Variants in SMCHD1 observed in about 807,000 individuals in gnomAD.
SMCHD1 encodes structural maintenance of chromosomes flexible hinge domain containing 1, also known as structural maintenance of chromosomes flexible hinge domain-containing protein 1.
SMCHD1 carries 78 observed loss-of-function variants against 254.7 expected under a neutral mutation model. The ratio of observed to expected loss-of-function variants is 0.31; its 90% CI spans 0.26 to 0.37. The LOEUF (loss-of-function observed/expected upper bound fraction) is 0.37, where lower values mean the gene tolerates loss of function less well. SMCHD1 is among the 10% of genes least tolerant of loss of function. The pLI is 1.00. For missense variants in SMCHD1, 1,840 were observed against 2,408.1 expected (o/e 0.76, Z 4.94); for synonymous variants, 766 against 794.9 (o/e 0.96, Z 0.61).
In SMCHD1 at chr18:2,732,403, G is replaced by A; in HGVS notation, c.3187G>A (p.Gly1063Ser). The change falls in exon 25 of 48, where the codon GGT becomes AGT. Residue 1063 changes from glycine (G) to serine (S), a missense_variant. Coordinates refer to ENST00000320876, the MANE Select transcript of SMCHD1 (RefSeq NM_015295.3). ...KHQDEVNWIA[G>S]DIMHNLIFQM... ...TCAGGATGAGGTTAATTGGATAGCG[G>A]GTGATATTATGCATAATCTTATTTT... The A allele has an allele frequency of 6.2e-7, 1 of 1,613,328 alleles. No individual in the cohort carries two copies. The highest frequency in any genetic ancestry group is 8.5e-7 in the Non-Finnish European group (1 of 1,179,580).
At chr18:2,770,967 A>C (rs1005379157) in intron 39 of SMCHD1, among the ~76,000 whole-genome samples, 3 of 152,180 alleles carry the variant, frequency 2.0e-5, no homozygotes, top group African/African-American at 7.2e-5. Context: ...ATTGAAAGAC[A>C]AGACATTTTC....
chr18:2,795,248 G>C (rs922945658), intron 45 of SMCHD1, among the ~76,000 whole-genome samples: 1 of 151,990 alleles, frequency 6.6e-6, no homozygotes, highest in African/African-American at 2.4e-5. Flanking sequence ...TATTAGAGAC[G>C]GGGTTTCACC....
intron 25 of SMCHD1, among the ~76,000 whole-genome samples, chr18:2,738,025 T>A (rs56389884): frequency 6.6e-6 from 1 of 152,204 alleles, no homozygotes; most frequent in African/African-American, 2.4e-5. Context: ...CATTGAAAGC[T>A]TTCCCATAAA....
At position 2,778,253 on chromosome 18, in the gene SMCHD1, T is replaced by G; in HGVS notation, c.5547+14T>G. 6.3e-7 allele frequency: 1 copy of G among 1,578,062 alleles called. No individual in the cohort carries two copies. The highest frequency in any genetic ancestry group is 1.7e-4 in the Middle Eastern group (1 of 5,994). On this transcript the variant is annotated intron_variant, in intron 44 of 47. Coordinates refer to ENST00000320876, the MANE Select transcript of SMCHD1 (RefSeq NM_015295.3). Reference sequence around the variant, plus strand: ...TATAGAAAAGAGGTATGTATTTGATTTCTTTTTAAATTTGTAGACTTCAGT... The same window carrying G: ...TATAGAAAAGAGGTATGTATTTGATGTCTTTTTAAATTTGTAGACTTCAGT...
chr18:2,682,312 TTC>T (rs1331725467), intron 5 of SMCHD1, among the ~76,000 whole-genome samples: 1 of 142,636 alleles, frequency 7.0e-6, no homozygotes, highest in African/African-American at 3.0e-5. Flanking sequence ...TTCTTTCTTC[TTC>T]TTTTTTTTTT....
chr18:2,673,246 GA>G (rs1378452737), intron 3 of SMCHD1, 34 bp from the exon 4 acceptor site: 1 of 1,548,642 alleles, frequency 6.5e-7, no homozygotes, highest in Non-Finnish European at 8.8e-7. Context: ...ATGTGGGAGG[GA>G]AAAGTTAAGC....
In SMCHD1 at chr18:2,777,913, C is replaced by A; in HGVS notation, c.5474C>A (p.Thr1825Lys). The change falls in exon 43 of 48, where the codon ACA (threonine) becomes AAA (lysine). Residue 1825 changes from threonine (T) to lysine (K), a missense_variant and splice_region_variant. Thr to Lys is a moderately conservative substitution (Grantham distance 78). Transcript: ENST00000320876. The stretch of plus-strand genomic sequence containing the variant: ...CCAGATAATGTAGAACATTGTGAAA[C>A]AGGTAAAAGACATTATGGTGACTTT... ...TFPDNVEHCE[T>K]VFGMLLGDTI... is the part of the protein sequence containing the mutation. 1 of 1,522,174 alleles carries A rather than the reference C, an allele frequency of 6.6e-7. No individual in the cohort carries two copies. The highest frequency in any genetic ancestry group is 8.9e-7 in the Non-Finnish European group (1 of 1,125,606). The allele number at this position is 1,522,174 out of a possible 1,614,324, so 94.3% of individuals were successfully genotyped here.
chr18:2,693,964 A>G lies in SMCHD1; in HGVS notation c.874-563A>G, dbSNP rs1488935161. On this transcript the variant is annotated intron_variant, in intron 7 of 47. Transcript: ENST00000320876. ...TTTAAAACATAGATTCATACTACAGATGGAGAAGTTTGTAATTTTATCCTC... is the reference window on the plus strand; with the variant it reads ...TTTAAAACATAGATTCATACTACAGGTGGAGAAGTTTGTAATTTTATCCTC... Among the ~76,000 whole-genome samples the G allele has an allele frequency of 2.0e-5, 3 of 152,140 alleles. No individual in the cohort carries two copies. In the East Asian group the frequency reaches 5.8e-4, roughly 29 times the overall value.
Position 2,769,744 on chromosome 18 carries a change from T to C in SMCHD1, c.4770T>C (p.Phe1590=), listed in dbSNP as rs780562499. 7.5e-6 allele frequency: 12 copies of C among 1,602,790 alleles called. No homozygotes were observed. Among genetic ancestry groups the C allele is most frequent in the Non-Finnish European group, 9.4e-6 (11 of 1,173,560 alleles). Residue 1590 remains phenylalanine, a synonymous_variant, in exon 38 of 48, where the codon TTT becomes TTC. Coordinates refer to ENST00000320876, the MANE Select transcript of SMCHD1 (RefSeq NM_015295.3). ...SSPGRDSTEY[F]IVFEPRLPLL... ...CTGGAAGGGATAGTACTGAATATTT[T>C]ATTGTATTTGAGCCCCGGCTACCAC... is the stretch of plus-strand genomic sequence containing the variant.
chr18:2,684,730 T>C (rs1315326558), intron 5 of SMCHD1, among the ~76,000 whole-genome samples: 5 of 151,410 alleles, frequency 3.3e-5, no homozygotes, highest in African/African-American at 1.2e-4. Flanking sequence ...TGTGTGTGTG[T>C]GTGATTCCAT....
chr18:2,730,662 T>C (rs62084257), intron 24 of SMCHD1, among the ~76,000 whole-genome samples: 29,560 of 152,170 alleles, frequency 0.19, 3,117 homozygotes, highest in South Asian at 0.27. Context: ...TACTTAAATG[T>C]GATTTCTTAG....
chr18:2,683,999 A>G (rs962671401), intron 5 of SMCHD1, among the ~76,000 whole-genome samples: 1 of 152,116 alleles, frequency 6.6e-6, no homozygotes, highest in African/African-American at 2.4e-5. Flanking sequence ...TCTTTGTATT[A>G]TTACATTTAA....
chr18:2,745,771 A>G (rs941856237), intron 29 of SMCHD1, among the ~76,000 whole-genome samples: 46 of 152,206 alleles, frequency 3.0e-4, no homozygotes, highest in Admixed American at 1.4e-3. Context: ...TATAAGAGTT[A>G]TTTGTAGATC....
intron 5 of SMCHD1, among the ~76,000 whole-genome samples, chr18:2,675,668 G>A (rs2073730987): frequency 6.6e-6 from 1 of 152,186 alleles, no homozygotes. Flanking sequence ...CTTTGATAGT[G>A]TGAGGATAGG....
At chr18:2,711,803 G>A (rs1239016936) in intron 17 of SMCHD1, among the ~76,000 whole-genome samples, 4 of 152,158 alleles carry the variant, frequency 2.6e-5, no homozygotes, top group South Asian at 2.1e-4. Context: ...CTTGATCCCC[G>A]GTGTTGGAGG....
intron 44 of SMCHD1, among the ~76,000 whole-genome samples, chr18:2,780,037 G>A (rs1037012961): frequency 2.0e-5 from 3 of 151,870 alleles, no homozygotes; most frequent in Non-Finnish European, 4.4e-5. Context: ...TCAGAAGTTC[G>A]AGACTAGCCT....
At chr18:2,678,345 G>A (rs1205090389) in intron 5 of SMCHD1, among the ~76,000 whole-genome samples, 1 of 141,056 alleles carries the variant, frequency 7.1e-6, no homozygotes, top group African/African-American at 2.6e-5. Context: ...TTGTTGCCCA[G>A]GCTGGAGTGC....
intron 45 of SMCHD1, among the ~76,000 whole-genome samples, chr18:2,791,325 C>G (rs2076160947): frequency 6.6e-6 from 1 of 152,206 alleles, no homozygotes; most frequent in Admixed American, 6.5e-5. Context: ...CACAGTGGCT[C>G]ACGCCTATAA....
chr18:2,701,175 T>C, intron 12 of SMCHD1: 1 of 258,442 alleles, frequency 3.9e-6, no homozygotes, highest in Non-Finnish European at 7.3e-6. Flanking sequence ...TTTTTTTTTT[T>C]TTAAGACAGG....
Sources: allele counts gnomAD v4.1 joint callset (sites outside exome capture counted in the v4.1 genomes callset), GRCh38; gene constraint gnomAD v4.1.1; transcripts MANE v1.5; gene names NCBI Gene and HGNC (gene_info 2026-07-23, HGNC 2026-07-21).